LDB2: variants seen among roughly 807,000 people sequenced by gnomAD.
LDB2 encodes LIM domain-binding protein 2.
Under a neutral mutation model 44.3 loss-of-function variants are expected in LDB2, and 12 were observed. That is an observed-to-expected ratio of 0.27 (90% CI 0.17 to 0.44). LDB2 has a LOEUF of 0.44. Ranked by LOEUF, LDB2 falls within the 20% of genes least tolerant of loss-of-function variation. The probability of loss-of-function intolerance (pLI) is 1.00; values close to 1 mark genes in which losing one functional copy is unlikely to be tolerated. For synonymous variants in LDB2, 164 were observed against 174.8 expected, an observed-to-expected ratio of 0.94 and a Z score of 0.49; for missense variants, 344 against 473.5, an observed-to-expected ratio of 0.73 and a Z score of 2.54.
chr4:16,833,240 T>C (rs938380702), intron 1 of LDB2, among the ~76,000 whole-genome samples: 4 of 152,322 alleles, frequency 2.6e-5, no homozygotes, highest in East Asian at 1.9e-4. Flanking sequence ...GGAATATGTC[T>C]GATTAGTCAA....
At chr4:16,677,359 T>C (rs1339719486) in intron 2 of LDB2, among the ~76,000 whole-genome samples, 1 of 152,176 alleles carries the variant, frequency 6.6e-6, no homozygotes, top group East Asian at 1.9e-4. Context: ...AAAAATGTAT[T>C]CACAATCAAC....
intron 5 of LDB2, among the ~76,000 whole-genome samples, chr4:16,581,082 C>T (rs559448645): frequency 1.3e-5 from 2 of 152,222 alleles, no homozygotes; most frequent in Middle Eastern, 3.4e-3. Flanking sequence ...GATCAACTCC[C>T]GTGTGTTTTG....
At chr4:16,593,128 A>G (rs1242569465) in intron 3 of LDB2, among the ~76,000 whole-genome samples, 1 of 152,164 alleles carries the variant, frequency 6.6e-6, no homozygotes, top group Non-Finnish European at 1.5e-5. Context: ...ATTGCGACTG[A>G]TTTTTGATTC....
chr4:16,689,818 T>C (rs888597138), intron 2 of LDB2, among the ~76,000 whole-genome samples: 1 of 152,256 alleles, frequency 6.6e-6, no homozygotes, highest in Non-Finnish European at 1.5e-5. Flanking sequence ...TTTGCTCATT[T>C]CTGTAAATCA....
At chr4:16,730,755 T>A (rs1300439534) in intron 2 of LDB2, among the ~76,000 whole-genome samples, 2 of 152,162 alleles carry the variant, frequency 1.3e-5, no homozygotes, top group Non-Finnish European at 2.9e-5. Flanking sequence ...TCATCTTCTC[T>A]CATAGCTGCT....
chr4:16,842,516 AATT>A, intron 1 of LDB2, among the ~76,000 whole-genome samples: 1 of 152,364 alleles, frequency 6.6e-6, no homozygotes, highest in East Asian at 1.9e-4. Flanking sequence ...ATGTGCTTTA[AATT>A]ATTTAATATA....
intron 1 of LDB2, among the ~76,000 whole-genome samples, chr4:16,886,625 A>G (rs2110479133): frequency 6.6e-6 from 1 of 152,332 alleles, no homozygotes; most frequent in Non-Finnish European, 1.5e-5. Context: ...GGAGACATGT[A>G]TTTTAAAGCA....
chr4:16,888,620 A>G (rs1348901022), intron 1 of LDB2: 7 of 677,322 alleles, frequency 1.0e-5, no homozygotes, highest in African/African-American at 2.0e-5. Context: ...AGGCATGTAA[A>G]AAGTATTTTT....
At chr4:16,546,859 G>C (rs538270965) in intron 5 of LDB2, among the ~76,000 whole-genome samples, 1 of 152,136 alleles carries the variant, frequency 6.6e-6, no homozygotes, top group African/African-American at 2.4e-5. Flanking sequence ...CTCCTCCCAG[G>C]GTTCTTTAGC....
At position 16,615,758 on chromosome 4, in the gene LDB2, TA is replaced by T. The variant is rs533860256; in HGVS notation, c.236-19884del. On this transcript the variant is annotated intron_variant, in intron 2 of 7. Transcript: ENST00000304523. ...TAAAAAAAGTGAATAAATAAAATTT[TA>T]AAAAAAGAAGGTCTAGGGAACCCTC... Among the ~76,000 whole-genome samples the T allele has an allele frequency of 6.4e-3, 977 of 152,214 alleles. 5 individuals are homozygous for T. The highest frequency in any genetic ancestry group is 1.0e-2 in the Non-Finnish European group (678 of 68,012).
At chr4:16,898,159 T>A (rs1273879383) in intron 1 of LDB2, among the ~76,000 whole-genome samples, 195 bp downstream of exon 1, 2 of 151,810 alleles carry the variant, frequency 1.3e-5, no homozygotes, top group African/African-American at 4.8e-5. Flanking sequence ...CGGCAGAAAC[T>A]GTCCTCTGCT....
chr4:16,574,515 TC>T (rs1354929790), intron 5 of LDB2, among the ~76,000 whole-genome samples: 1 of 152,188 alleles, frequency 6.6e-6, no homozygotes, highest in Non-Finnish European at 1.5e-5. Flanking sequence ...GGACTTGGCT[TC>T]CTGGAGTAGT....
At chr4:16,652,453 G>T (rs991162062) in intron 2 of LDB2, among the ~76,000 whole-genome samples, 1 of 152,172 alleles carries the variant, frequency 6.6e-6, no homozygotes, top group African/African-American at 2.4e-5. Context: ...GTTGCCGAGT[G>T]AGAAGCCCTG....
intron 1 of LDB2, among the ~76,000 whole-genome samples, chr4:16,895,544 T>TTGTG (rs60440696): frequency 5.0e-4 from 76 of 150,744 alleles, no homozygotes; most frequent in African/African-American, 1.3e-3. Flanking sequence ...TGGGGTGTGT[T>TTGTG]TGTGTGTGTG....
intron 2 of LDB2, among the ~76,000 whole-genome samples, chr4:16,621,710 C>A (rs1304795200): frequency 1.3e-5 from 2 of 151,996 alleles, no homozygotes; most frequent in Non-Finnish European, 2.9e-5. Flanking sequence ...GCACCACCAC[C>A]CCAGCTAATT....
At chr4:16,674,023 G>A (rs1303960889) in intron 2 of LDB2, among the ~76,000 whole-genome samples, 1 of 152,124 alleles carries the variant, frequency 6.6e-6, no homozygotes, top group African/African-American at 2.4e-5. Context: ...ATCATAATGG[G>A]AACAACTCGC....
chr4:16,524,226 C>A (rs149189167), intron 5 of LDB2, among the ~76,000 whole-genome samples: 1 of 152,130 alleles, frequency 6.6e-6, no homozygotes, highest in Non-Finnish European at 1.5e-5. Context: ...GAGTGGCACT[C>A]GGGATGCAAT....
At chr4:16,891,114 C>A (rs987824130) in intron 1 of LDB2, among the ~76,000 whole-genome samples, 4 of 151,324 alleles carry the variant, frequency 2.6e-5, no homozygotes, top group Admixed American at 6.6e-5. Flanking sequence ...AATGAGATAG[C>A]TTTTATACTC....
chr4:16,675,630 A>G (rs1163924788), intron 2 of LDB2, among the ~76,000 whole-genome samples: 1 of 152,152 alleles, frequency 6.6e-6, no homozygotes, highest in Non-Finnish European at 1.5e-5. Context: ...GATAAATAAA[A>G]TTATATATTT....
Sources: allele counts gnomAD v4.1 joint callset (sites outside exome capture counted in the v4.1 genomes callset), GRCh38; gene constraint gnomAD v4.1.1; transcripts MANE v1.5; gene names NCBI Gene and HGNC (gene_info 2026-07-23, HGNC 2026-07-21).